The following ATXN1L variants were observed in gnomAD, a reference collection of about 807,000 sequenced individuals.
The protein encoded by ATXN1L is ataxin 1 like.
In ATXN1L, 8 loss-of-function variants were observed where a neutral mutation model predicts 43.4. The observed-to-expected ratio is 0.18, with a 90% CI of 0.11 to 0.33. The LOEUF is 0.33. Ranked by LOEUF, ATXN1L falls within the 10% of genes least tolerant of loss-of-function variation. The probability of loss-of-function intolerance (pLI) is 1.00; values close to 1 mark genes in which losing one functional copy is unlikely to be tolerated. For missense variants in ATXN1L, 856 were observed against 885.4 expected (o/e 0.97, Z 0.42); for synonymous variants, 379 against 360.6 (o/e 1.05, Z -0.58).
At chr16:71,849,583 C>T in intron 2 of ATXN1L, 41 bp from the exon 3 acceptor site, 1 of 673,950 alleles carries the variant, frequency 1.5e-6, no homozygotes, top group South Asian at 2.8e-5. Context: ...TTGGCTCATC[C>T]CTAGGTTACT....
At position 71,853,008 on chromosome 16, in the gene ATXN1L, C is replaced by G. The variant is rs1473546508; in HGVS notation, c.*1198C>G. 6.0e-6 allele frequency: 1 copy of G among 167,136 alleles called. No individual in the cohort carries two copies. The highest frequency in any genetic ancestry group is 2.4e-5 in the African/African-American group (1 of 41,456). 10.4% of individuals were successfully genotyped at this position (167,136 alleles called of 1,614,324 possible). On this transcript the variant is annotated 3_prime_UTR_variant, in exon 3 of 3. Coordinates refer to ENST00000427980, the MANE Select transcript of ATXN1L (RefSeq NM_001137675.4). ...GAAGAAACAAGAAGGGAACTATGCC[C>G]TGGGCCAGGGCGAATGCGTGGCTGG...
In ATXN1L at chr16:71,851,832, TG is replaced by T. The variant is rs1411342869; in HGVS notation, c.*26del. 9 of 1,411,148 alleles carry T rather than the reference TG, an allele frequency of 6.4e-6. No homozygotes were observed. Among genetic ancestry groups the T allele is most frequent in the Admixed American group, 3.1e-5 (1 of 32,618 alleles). 87.4% of individuals were successfully genotyped at this position (1,411,148 alleles called of 1,614,324 possible). On this transcript the variant is annotated 3_prime_UTR_variant, in exon 3 of 3. Transcript: ENST00000427980. The surrounding 1 kb of genome is among the most constrained non-coding windows in gnomAD (Gnocchi z 4.9). The stretch of plus-strand genomic sequence containing the variant: ...ATGAACCTCTTCCCCAGACCAGGAC[TG>T]GGGCTTTACCCCAGAGCCTCGCCTC...
chr16:71,850,387 G>T lies in ATXN1L; in HGVS notation c.647G>T (p.Ser216Ile). The T allele has an allele frequency of 6.4e-7, 1 of 1,551,642 alleles. No individual in the cohort carries two copies. Among genetic ancestry groups the T allele is most frequent in the East Asian group, 2.4e-5 (1 of 40,916 alleles). Residue 216 changes from serine (S) to isoleucine (I), a missense_variant, in exon 3 of 3, where the codon AGT becomes ATT. Physicochemically the swap from Ser to Ile is moderately radical, Grantham distance 142. Around this residue, in one of 7 missense-constraint regions of ATXN1L, gnomAD observed 490 missense variants for 449.4 expected, o/e 1.09. Transcript: ENST00000427980. The stretch of plus-strand genomic sequence containing the variant: ...TCTGGGCAATTGCCACATCATTCAA[G>T]TACTCAGCCGCTGGACCTTGCTCCA... ...SPSGQLPHHS[S>I]TQPLDLAPGR...
rs1172473648 is a variant in ATXN1L at position 71,856,063 on chromosome 16, A to G, written c.*4253A>G. 1.8e-5 allele frequency: 3 copies of G among 167,058 alleles called. No individual in the cohort carries two copies. The highest frequency in any genetic ancestry group is 4.4e-5 in the Non-Finnish European group (3 of 68,114). The allele number at this position is 167,058 out of a possible 1,614,324, so 10.3% of individuals were successfully genotyped here. On this transcript the variant is annotated 3_prime_UTR_variant, in exon 3 of 3. Coordinates refer to ENST00000427980, the MANE Select transcript of ATXN1L (RefSeq NM_001137675.4). ...AAGCCTGGTCTGTGCCTAGGATGAC[A>G]CTGGCCCCAGAGATGCTAGAGTCGA...
At position 71,851,112 on chromosome 16, in the gene ATXN1L, C is replaced by T. The variant is rs756367353; in HGVS notation, c.1372C>T (p.Pro458Ser). The change falls in exon 3 of 3, where the codon CCC (proline) becomes TCC (serine). Residue 458 changes from proline (P) to serine (S), a missense_variant. Physicochemically the swap from Pro to Ser is moderately conservative, Grantham distance 74 (BLOSUM62 -1). This residue lies in a region of ATXN1L where 490 missense variants were observed against 449.4 expected (regional missense o/e 1.09). Transcript: ENST00000427980. This position sits in a 1 kb window ranked among gnomAD's most constrained non-coding sequence, Gnocchi z 4.9. Reference sequence around the variant, plus strand: ...CTTCCCAGACAAGGAGCCAACGCCGCCCCCCATTACCTCCTCTCACTTGCC... The same window carrying T: ...CTTCCCAGACAAGGAGCCAACGCCGTCCCCCATTACCTCCTCTCACTTGCC... The part of the protein sequence containing the change: ...ATFPDKEPTP[P>S]PITSSHLPSH... The T allele has an allele frequency of 1.3e-6, 2 of 1,551,568 alleles. No individual in the cohort carries two copies. The highest frequency in any genetic ancestry group is 2.4e-5 in the South Asian group (2 of 84,060).
In ATXN1L at chr16:71,850,870, G is replaced by A. The variant is rs867886138; in HGVS notation, c.1130G>A (p.Arg377Gln). Reference sequence around the variant, plus strand: ...ACCCCCGACCATCAGGGTGAGGGGCGAGGGTCAGCCAGGAACCCTGCAGAG... The same window carrying A: ...ACCCCCGACCATCAGGGTGAGGGGCAAGGGTCAGCCAGGAACCCTGCAGAG... ...HHTPDHQGEG[R>Q]GSARNPAELA... Residue 377 changes from arginine to glutamine, a missense_variant, in exon 3 of 3, where the codon CGA becomes CAA. Transcript: ENST00000427980. 163 of 1,551,624 alleles carry A rather than the reference G, an allele frequency of 1.1e-4. No homozygotes were observed. The highest frequency in any genetic ancestry group is 1.4e-4 in the Non-Finnish European group (155 of 1,147,014).
At position 71,850,867 on chromosome 16, in the gene ATXN1L, G is replaced by A. The variant is rs1245303767; in HGVS notation, c.1127G>A (p.Gly376Glu). 2.6e-6 allele frequency: 4 copies of A among 1,551,590 alleles called. No individual in the cohort carries two copies. In the African/African-American group the frequency reaches 4.1e-5, roughly 16 times the overall value. The change falls in exon 3 of 3, where the codon GGG becomes GAG. Residue 376 changes from glycine to glutamate, a missense_variant. Coordinates refer to ENST00000427980, the MANE Select transcript of ATXN1L (RefSeq NM_001137675.4). Reference sequence around the variant, plus strand: ...CATACCCCCGACCATCAGGGTGAGGGGCGAGGGTCAGCCAGGAACCCTGCA... The same window carrying A: ...CATACCCCCGACCATCAGGGTGAGGAGCGAGGGTCAGCCAGGAACCCTGCA... ...SHHTPDHQGE[G>E]RGSARNPAEL...
rs893502331 is a variant in ATXN1L, at chr16:71,851,232, G to A, written c.1492G>A (p.Glu498Lys). The change falls in exon 3 of 3, where the codon GAA becomes AAA. Residue 498 changes from glutamate to lysine, a missense_variant. By Grantham distance (56) the Glu-to-Lys change is moderately conservative. Around this residue, in one of 7 missense-constraint regions of ATXN1L, gnomAD observed 22 missense variants for 49.3 expected, o/e 0.45. Coordinates refer to ENST00000427980, the MANE Select transcript of ATXN1L (RefSeq NM_001137675.4). This position sits in a 1 kb window ranked among gnomAD's most constrained non-coding sequence, Gnocchi z 4.9. ...LQTQDFVRSA[E>K]VSGGLKIDSS... ...GACCCAGGATTTTGTGCGCAGTGCC[G>A]AAGTGAGCGGGGGGCTGAAGATTGA... The A allele has an allele frequency of 2.4e-5, 38 of 1,551,574 alleles. No homozygotes were observed. The highest frequency in any genetic ancestry group is 2.7e-5 in the African/African-American group (2 of 73,046).
At chr16:71,847,814 A>G (rs969468659) in intron 1 of ATXN1L, among the ~76,000 whole-genome samples, 196 bp from the exon 2 acceptor site, 6 of 152,156 alleles carry the variant, frequency 3.9e-5, no homozygotes, top group African/African-American at 1.4e-4. Flanking sequence ...GTCTTCTTAC[A>G]AGTTGGAGCA....
rs1429811600 is a variant in ATXN1L at position 71,854,555 on chromosome 16, C to G, written c.*2745C>G. 1 of 167,088 alleles carries G rather than the reference C, an allele frequency of 6.0e-6. No individual in the cohort carries two copies. Among genetic ancestry groups the G allele is most frequent in the Non-Finnish European group, 1.5e-5 (1 of 68,134 alleles). 10.4% of individuals were successfully genotyped at this position (167,088 alleles called of 1,614,324 possible). A position where few individuals can be genotyped will look rare whatever the true frequency, so the allele number is the denominator to read the frequency against. ...GTGGCCTCCCCCTTGCCTTTAACCT[C>G]TAGTTTAGTCTTTTCCTCCAGGCAT... On this transcript the variant is annotated 3_prime_UTR_variant, in exon 3 of 3. Coordinates refer to ENST00000427980, the MANE Select transcript of ATXN1L (RefSeq NM_001137675.4).
intron 1 of ATXN1L, 101 bp downstream of exon 1, chr16:71,846,205 G>C (rs2033440825): frequency 6.2e-6 from 1 of 161,250 alleles, no homozygotes. Flanking sequence ...GGCGGGCCGG[G>C]GCCCATGAAC....
In ATXN1L at chr16:71,849,853, C is replaced by T; in HGVS notation, c.113C>T (p.Pro38Leu). 1 of 1,551,508 alleles carries T rather than the reference C, an allele frequency of 6.4e-7. No homozygotes were observed. The highest frequency in any genetic ancestry group is 8.7e-7 in the Non-Finnish European group (1 of 1,146,904). Residue 38 changes from proline (P) to leucine (L), a missense_variant, in exon 3 of 3, where the codon CCC (proline) becomes CTC (leucine). By Grantham distance (98) the Pro-to-Leu change is moderately conservative. Transcript: ENST00000427980. ...ACCAGCTGCTCCACTAACCACACAC[C>T]CTCCAGTGATGCTTCTGAATGGTCC... ...RTTSCSTNHT[P>L]SSDASEWSRG...
Position 71,855,852 on chromosome 16 carries a change from TGAG to T in ATXN1L, c.*4046_*4048del, listed in dbSNP as rs1333619368. 6.6e-5 allele frequency: 11 copies of T among 167,168 alleles called. No individual in the cohort carries two copies. The highest frequency in any genetic ancestry group is 2.4e-4 in the African/African-American group (10 of 41,558). 10.4% of individuals were successfully genotyped at this position (167,168 alleles called of 1,614,324 possible). A position where few individuals can be genotyped will look rare whatever the true frequency, so the allele number is the denominator to read the frequency against. On this transcript the variant is annotated 3_prime_UTR_variant, in exon 3 of 3. Transcript: ENST00000427980. ...GATGGGCAAAAGTGTACACTACAGT[TGAG>T]GAGCTGAACCTTATTAGGTTGGATG...
At position 71,851,091 on chromosome 16, in the gene ATXN1L, C is replaced by A. The variant is rs762483877; in HGVS notation, c.1351C>A (p.Pro451Thr). 6 of 1,551,600 alleles carry A rather than the reference C, an allele frequency of 3.9e-6. No homozygotes were observed. The highest frequency in any genetic ancestry group is 4.4e-6 in the Non-Finnish European group (5 of 1,146,924). ...SLDVQARATF[P>T]DKEPTPPPIT... is the part of the protein sequence containing the mutation. ...GGACGTGCAGGCCAGAGCCACCTTC[C>A]CAGACAAGGAGCCAACGCCGCCCCC... The change falls in exon 3 of 3, where the codon CCA (proline) becomes ACA (threonine). Residue 451 changes from proline to threonine, a missense_variant. Pro to Thr is a conservative substitution (Grantham distance 38). Coordinates refer to ENST00000427980, the MANE Select transcript of ATXN1L (RefSeq NM_001137675.4). The surrounding 1 kb of genome is among the most constrained non-coding windows in gnomAD (Gnocchi z 4.9).
intron 1 of ATXN1L, among the ~76,000 whole-genome samples, chr16:71,846,660 C>T (rs2033447024): frequency 6.6e-6 from 1 of 152,200 alleles, no homozygotes; most frequent in Admixed American, 6.5e-5. Flanking sequence ...CTCTCCTGAA[C>T]AGCCTGTTAG....
Position 71,851,499 on chromosome 16 carries a change from A to T in ATXN1L, c.1759A>T (p.Ser587Cys), listed in dbSNP as rs2033502003. 1 of 1,551,476 alleles carries T rather than the reference A, an allele frequency of 6.4e-7. No homozygotes were observed. The highest frequency in any genetic ancestry group is 1.4e-5 in the African/African-American group (1 of 73,014). ...CISISLQSLN[S>C]NSVSQASCAP... ...CTCTATCAGTTTACAGAGCTTGAAC[A>T]GTAACTCAGTTTCTCAGGCCAGCTG... Residue 587 changes from serine to cysteine, a missense_variant, in exon 3 of 3, where the codon AGT (serine) becomes TGT (cysteine). This residue lies in a region of ATXN1L where 185 missense variants were observed against 176.8 expected (regional missense o/e 1.05). Transcript: ENST00000427980. The surrounding 1 kb of genome is among the most constrained non-coding windows in gnomAD (Gnocchi z 4.9).
intron 2 of ATXN1L, among the ~76,000 whole-genome samples, chr16:71,848,634 A>G (rs2033467584): frequency 6.6e-6 from 1 of 152,056 alleles, no homozygotes; most frequent in Non-Finnish European, 1.5e-5. Flanking sequence ...GTTAAAATGT[A>G]TTATTTCATG....
chr16:71,852,099 C>T lies in ATXN1L; in HGVS notation c.*289C>T, dbSNP rs2033510528. Reference sequence around the variant, plus strand: ...GAAACATTCCAAAATCAGGGCCTCCCTGTTCTTTCCTCCCCATCCCTAGCT... The same window carrying T: ...GAAACATTCCAAAATCAGGGCCTCCTTGTTCTTTCCTCCCCATCCCTAGCT... On this transcript the variant is annotated 3_prime_UTR_variant, in exon 3 of 3. Transcript: ENST00000427980. The T allele has an allele frequency of 3.6e-6, 1 of 279,818 alleles. No individual in the cohort carries two copies. Among genetic ancestry groups the T allele is most frequent in the Non-Finnish European group, 7.1e-6 (1 of 141,686 alleles). 17.3% of individuals were successfully genotyped at this position (279,818 alleles called of 1,614,324 possible).
rs761966998 is a variant in ATXN1L, at chr16:71,849,771, T to C, written c.31T>C (p.Cys11Arg). 5.1e-5 allele frequency: 78 copies of C among 1,529,334 alleles called. No homozygotes were observed. The African/African-American group carries it at 1.0e-3, about 21-fold the overall frequency. The allele number at this position is 1,529,334 out of a possible 1,614,324, so 94.7% of individuals were successfully genotyped here. MKPVHERSQECLPPKKRDLPV... is the reference protein window; with the variant it reads MKPVHERSQERLPPKKRDLPV... ...ACCTGTTCATGAAAGGAGTCAGGAATGCCTTCCACCAAAGAAACGAGACCT... is the reference window on the plus strand; with the variant it reads ...ACCTGTTCATGAAAGGAGTCAGGAACGCCTTCCACCAAAGAAACGAGACCT... The change falls in exon 3 of 3, where the codon TGC (cysteine) becomes CGC (arginine). Residue 11 changes from cysteine (C) to arginine (R), a missense_variant. Coordinates refer to ENST00000427980, the MANE Select transcript of ATXN1L (RefSeq NM_001137675.4).
Sources: gnomAD v4.1 joint callset for allele counts (sites outside exome capture counted in the v4.1 genomes callset) on GRCh38, gnomAD v4.1.1 for gene constraint, gnomAD v4.1.1 regional missense constraint, Gnocchi (gnomAD v3.1) non-coding constraint, MANE v1.5 for transcripts, NCBI Gene and HGNC (gene_info 2026-07-23, HGNC 2026-07-21) for gene names.